Variants in SYCE1 observed in about 807,000 individuals in gnomAD.
SYCE1 encodes the protein cancer/testis antigen 76.
A neutral mutation model predicts 55.1 loss-of-function variants in SYCE1; 37 were observed. The ratio of observed to expected loss-of-function variants is 0.67; its 90% CI spans 0.52 to 0.88. The LOEUF (loss-of-function observed/expected upper bound fraction) is 0.88, where lower values mean the gene tolerates loss of function less well. SYCE1 is among the 40% of genes least tolerant of loss of function. The pLI, the probability that SYCE1 is intolerant of heterozygous loss-of-function variation, is 0.00. For synonymous variants in SYCE1, 163 were observed against 159.4 expected (o/e 1.02, Z -0.17); for missense variants, 399 against 416.4 (o/e 0.96, Z 0.36).
Position 133,559,408 on chromosome 10 carries a change from G to A in SYCE1, c.137-48C>T, listed in dbSNP as rs568720164. ...AGTTGACAGGGCAGGCAGAGTTGGG[G>A]CGGTTGCCAGCCTTGTGTCTCTGCT... On this transcript the variant is annotated intron_variant, in intron 2 of 12. Transcript: ENST00000343131. 1.6e-4 allele frequency: 260 copies of A among 1,579,056 alleles called. 5 individuals carry two copies. The South Asian group carries it at 2.9e-3, about 17-fold the overall frequency.
At chr10:133,557,519 GATGA>G in intron 6 of SYCE1, 1 of 488,282 alleles carries the variant, frequency 2.0e-6, no homozygotes, top group Non-Finnish European at 3.7e-6. Context: ...AAAGATAATG[GATGA>G]ATGGAGAGAG....
chr10:133,567,944 G>T, upstream of SYCE1: 2 of 560,944 alleles, frequency 3.6e-6, no homozygotes, highest in Non-Finnish European at 6.8e-6. Context: ...CAGGACGGTG[G>T]ATGGCGGGTC....
In SYCE1 at chr10:133,560,106, G is replaced by C; in HGVS notation, c.121C>G (p.Gln41Glu). 2 of 1,614,030 alleles carry C rather than the reference G, an allele frequency of 1.2e-6. No individual in the cohort carries two copies. The highest frequency in any genetic ancestry group is 1.7e-6 in the Non-Finnish European group (2 of 1,179,976). Residue 41 changes from glutamine (Q) to glutamate (E), a missense_variant, in exon 2 of 13, where the codon CAA becomes GAA. Physicochemically the swap from Gln to Glu is conservative, Grantham distance 29. Transcript: ENST00000343131. ...GACACACGACCTTTCTGCAGCTTTTGCACCATTTCCATCAAGTCTTCAATT... is the reference window on the plus strand; with the variant it reads ...GACACACGACCTTTCTGCAGCTTTTCCACCATTTCCATCAAGTCTTCAATT... ...QKIEDLMEMVQKLQKVGSLEP... is the reference protein window; with the variant it reads ...QKIEDLMEMVEKLQKVGSLEP...
chr10:133,559,184 G>A (rs1444555151), intron 3 of SYCE1, 117 bp downstream of exon 3: 2 of 1,160,134 alleles, frequency 1.7e-6, no homozygotes, highest in East Asian at 2.4e-5. Context: ...AGGCTCTGCT[G>A]TTGCTGTTGT....
At chr10:133,558,305 C>A (rs1315563464) in intron 4 of SYCE1, 91 bp from the exon 5 acceptor site, 10 of 1,447,920 alleles carry the variant, frequency 6.9e-6, no homozygotes, top group Non-Finnish European at 9.7e-6. Flanking sequence ...AAGCTGGGCA[C>A]AGCCTTGGCC....
chr10:133,557,794 C>T, intron 6 of SYCE1, 70 bp downstream of exon 6: 1 of 1,556,020 alleles, frequency 6.4e-7, no homozygotes, highest in Non-Finnish European at 8.9e-7. Context: ...TCAGATTCAT[C>T]TTCCTGCCTC....
At chr10:133,559,577 G>A in intron 2 of SYCE1, 1 of 560,518 alleles carries the variant, frequency 1.8e-6, no homozygotes. Context: ...GTGTTCAAGA[G>A]AAATGAAGTA....
At chr10:133,565,673 G>T, upstream of SYCE1, 3 of 786,936 alleles carry the variant, frequency 3.8e-6, no homozygotes, top group Non-Finnish European at 5.8e-6. Flanking sequence ...TAATTCTCCG[G>T]CAGGCCTGCG....
Position 133,555,041 on chromosome 10 carries a change from T to C in SYCE1, c.1007A>G (p.His336Arg), listed in dbSNP as rs1219020117. 1 of 1,551,314 alleles carries C rather than the reference T, an allele frequency of 6.4e-7. No individual in the cohort carries two copies. The highest frequency in any genetic ancestry group is 2.4e-5 in the East Asian group (1 of 40,930). ...AAAGCCCCTTGGGCTAAGGTCGGGG[T>C]GGAGTGTGTCCTCCTGGCCTATGAG... ...DVLIGQEDTLHPDLSPRGFQE... is the reference protein window; with the variant it reads ...DVLIGQEDTLRPDLSPRGFQE... Residue 336 changes from histidine to arginine, a missense_variant, in exon 13 of 13, where the codon CAC (histidine) becomes CGC (arginine). By Grantham distance (29) the His-to-Arg change is conservative. Coordinates refer to ENST00000343131, the MANE Select transcript of SYCE1 (RefSeq NM_001143764.3).
chr10:133,564,006 CAGAT>C (rs1412893792), intron 1 of SYCE1, among the ~76,000 whole-genome samples: 1 of 123,914 alleles, frequency 8.1e-6, no homozygotes, highest in Non-Finnish European at 1.8e-5. Context: ...CTTTTTAAAA[CAGAT>C]AGACTAAAAC....
intron 2 of SYCE1, 109 bp from the exon 3 acceptor site, chr10:133,559,469 G>T: frequency 9.3e-7 from 1 of 1,078,092 alleles, no homozygotes; most frequent in Non-Finnish European, 1.4e-6. Context: ...AGTACCTCCT[G>T]CAAGCAGGTG....
intron 1 of SYCE1, 173 bp from the exon 2 acceptor site, chr10:133,560,326 A>G (rs1851790651): frequency 9.1e-6 from 5 of 550,034 alleles, no homozygotes; most frequent in South Asian, 2.4e-5. Context: ...GCTTTTCCCT[A>G]TAAGGTAAAA....
intron 8 of SYCE1, chr10:133,556,472 CA>C (rs1851685481): frequency 1.8e-6 from 1 of 542,032 alleles, no homozygotes; most frequent in South Asian, 2.1e-5. Flanking sequence ...GGGGGACAAA[CA>C]CGGGCTGCTT....
intron 6 of SYCE1, 63 bp from the exon 7 acceptor site, chr10:133,557,219 G>C (rs1331566599): frequency 7.2e-7 from 1 of 1,397,242 alleles, no homozygotes; most frequent in African/African-American, 1.4e-5. Flanking sequence ...ACTGGGCTGG[G>C]GCTTCTGCCT....
chr10:133,563,807 C>G (rs540141514), intron 1 of SYCE1, among the ~76,000 whole-genome samples: 1 of 152,118 alleles, frequency 6.6e-6, no homozygotes, highest in South Asian at 2.1e-4. Flanking sequence ...TAAATTTTTG[C>G]ATTAAGTTTT....
chr10:133,556,931 C>G, intron 7 of SYCE1, 109 bp from the exon 8 acceptor site: 4 of 1,495,452 alleles, frequency 2.7e-6, no homozygotes, highest in Non-Finnish European at 2.8e-6. Flanking sequence ...TGCCCATGGT[C>G]TCTGCTCCAC....
rs1328843666 is a variant in SYCE1, at chr10:133,555,633, T to TGG, written c.793_794insCC (p.Gln265ProfsTer15). ...CTGCTGCTGTTGTTGGCACTTCTGC[T>TGG]GCAGCTGCTGGTGGCGCTGGGCAGC... is the stretch of plus-strand genomic sequence containing the variant. On this transcript the variant is annotated frameshift_variant, in exon 11 of 13. Coordinates refer to ENST00000343131, the MANE Select transcript of SYCE1 (RefSeq NM_001143764.3). LOFTEE classifies it high-confidence loss of function. 5 of 1,605,892 alleles carry TGG rather than the reference T, an allele frequency of 3.1e-6. No homozygotes were observed. The highest frequency in any genetic ancestry group is 4.2e-6 in the Non-Finnish European group (5 of 1,179,906).
At chr10:133,565,847 C>A (rs1234471994), upstream of SYCE1, among the ~76,000 whole-genome samples, 1 of 152,246 alleles carries the variant, frequency 6.6e-6, no homozygotes, top group Non-Finnish European at 1.5e-5. Context: ...GAGGCCCTCC[C>A]CACCAACGAG....
chr10:133,559,162 G>T, intron 3 of SYCE1, 139 bp downstream of exon 3: 1 of 1,015,298 alleles, frequency 9.8e-7, no homozygotes. Flanking sequence ...GAAATGCCCT[G>T]TACTTAATTT....
Sources: gnomAD v4.1 joint callset for allele counts (sites outside exome capture counted in the v4.1 genomes callset) on GRCh38, gnomAD v4.1.1 for gene constraint, MANE v1.5 for transcripts, NCBI Gene and HGNC (gene_info 2026-07-23, HGNC 2026-07-21) for gene names.